Variants in RORA observed in about 807,000 individuals in gnomAD.
RORA encodes nuclear receptor ROR-alpha.
A neutral mutation model predicts 69.5 loss-of-function variants in RORA; 7 were observed. The ratio of observed to expected loss-of-function variants is 0.10; its 90% CI spans 0.06 to 0.19. RORA has a LOEUF of 0.19. RORA is among the 10% of genes least tolerant of loss of function. RORA has a pLI of 1.00. For synonymous variants in RORA, 261 were observed against 240.8 expected, an observed-to-expected ratio of 1.08 and a Z score of -0.78; for missense variants, 457 against 663.0, an observed-to-expected ratio of 0.69 and a Z score of 3.41.
chr15:61,064,275 C>G (rs2078226560), intron 1 of RORA, among the ~76,000 whole-genome samples: 1 of 152,194 alleles, frequency 6.6e-6, no homozygotes, highest in Non-Finnish European at 1.5e-5. Flanking sequence ...TCACTTGAGT[C>G]ACAGTTTCCA....
chr15:60,568,521 G>A (rs1479288317), intron 2 of RORA, among the ~76,000 whole-genome samples: 3 of 152,202 alleles, frequency 2.0e-5, no homozygotes, highest in Non-Finnish European at 2.9e-5. Flanking sequence ...TGATTCTAAG[G>A]AAGGAAGAAG....
At chr15:61,005,980 T>C (rs990692706) in intron 1 of RORA, among the ~76,000 whole-genome samples, 1 of 148,350 alleles carries the variant, frequency 6.7e-6, no homozygotes, top group Non-Finnish European at 1.5e-5. Context: ...TTTTGTTTTG[T>C]TTTTTTTGAG....
At chr15:61,053,499 G>A (rs2078043547) in intron 1 of RORA, among the ~76,000 whole-genome samples, 1 of 152,004 alleles carries the variant, frequency 6.6e-6, no homozygotes, top group Admixed American at 6.6e-5. Context: ...TGATTTCCAT[G>A]GCTGCCATGA....
chr15:60,511,948 T>G lies in RORA; in HGVS notation c.425-327A>C. 3.7e-6 allele frequency: 1 copy of G among 271,018 alleles called. No homozygotes were observed. The allele number at this position is 271,018 out of a possible 1,614,324, so 16.8% of individuals were successfully genotyped here. A position where few individuals can be genotyped will look rare whatever the true frequency, so the allele number is the denominator to read the frequency against. ...CGCCCCACTGATAACTTAATGGGCT[T>G]GTTCACTCTCCCCCCGTGCAGCTGG... On this transcript the variant is annotated intron_variant, in intron 4 of 10. Transcript: ENST00000335670. This position sits in a 1 kb window ranked among gnomAD's most constrained non-coding sequence, Gnocchi z 6.4.
At chr15:61,086,185 C>A (rs1409326971) in intron 1 of RORA, among the ~76,000 whole-genome samples, 1 of 152,246 alleles carries the variant, frequency 6.6e-6, no homozygotes, top group African/African-American at 2.4e-5. Context: ...ATTTGGCAAT[C>A]TGACTATCAT....
chr15:61,025,631 T>C (rs1415206331), intron 1 of RORA, among the ~76,000 whole-genome samples: 2 of 152,182 alleles, frequency 1.3e-5, no homozygotes, highest in Non-Finnish European at 2.9e-5. Context: ...CCTGGGCTGA[T>C]GATTTTAATA....
chr15:60,798,221 G>GAC lies in RORA; in HGVS notation c.167-119537_167-119536dup, dbSNP rs34480684. Among the ~76,000 whole-genome samples the GAC allele has an allele frequency of 2.2e-4, 32 of 145,810 alleles. 1 individual carries two copies. Among genetic ancestry groups the GAC allele is most frequent in the African/African-American group, 5.4e-4 (21 of 39,064 alleles). On this transcript the variant is annotated intron_variant, in intron 1 of 10. Coordinates refer to ENST00000335670, the MANE Select transcript of RORA (RefSeq NM_134261.3). ...CCCCTTCCCCTTCATTTCCCCAACA[G>GAC]ACACACACACACACACACACACACA...
chr15:61,088,483 G>A (rs181837894), intron 1 of RORA, among the ~76,000 whole-genome samples: 10 of 152,208 alleles, frequency 6.6e-5, no homozygotes, highest in African/African-American at 1.9e-4. Flanking sequence ...GGGATGGGGC[G>A]ACAGGAGACA....
At chr15:60,854,614 A>G (rs1157762161) in intron 1 of RORA, among the ~76,000 whole-genome samples, 2 of 152,226 alleles carry the variant, frequency 1.3e-5, no homozygotes, top group Non-Finnish European at 2.9e-5. Flanking sequence ...TCAGAAACAA[A>G]ATTAGCAACT....
chr15:61,119,492 A>G (rs78176140), intron 1 of RORA, among the ~76,000 whole-genome samples: 2 of 151,438 alleles, frequency 1.3e-5, no homozygotes, highest in African/African-American at 4.9e-5. Flanking sequence ...TTTTCCCCCC[A>G]GAGACAGGGT....
rs2140392221 is a variant in RORA at position 61,009,549 on chromosome 15, A to G, written c.166+219504T>C. On this transcript the variant is annotated intron_variant, in intron 1 of 10. Coordinates refer to ENST00000335670, the MANE Select transcript of RORA (RefSeq NM_134261.3). ...ATTTATACCTATAAGGTCAAGACTAATCTTTAATTTTAATTCAGATAGATC... is the reference window on the plus strand; with the variant it reads ...ATTTATACCTATAAGGTCAAGACTAGTCTTTAATTTTAATTCAGATAGATC... Among the ~76,000 whole-genome samples the G allele has an allele frequency of 2.0e-5, 3 of 152,348 alleles. No individual in the cohort carries two copies. The South Asian group carries it at 6.2e-4, about 32-fold the overall frequency.
chr15:60,855,227 C>T (rs11635713), intron 1 of RORA, among the ~76,000 whole-genome samples: 132,844 of 152,216 alleles, frequency 0.87, 58,669 homozygotes, highest in East Asian at 0.99. Context: ...AGGAATGAGA[C>T]GTCTCCTGGC....
At chr15:61,149,270 G>A (rs1259237858) in intron 1 of RORA, among the ~76,000 whole-genome samples, 1 of 152,132 alleles carries the variant, frequency 6.6e-6, no homozygotes, top group Non-Finnish European at 1.5e-5. Context: ...TCCCATCAGA[G>A]AGTCTCTTTC....
At chr15:61,017,770 A>G (rs577557125) in intron 1 of RORA, among the ~76,000 whole-genome samples, 1 of 152,226 alleles carries the variant, frequency 6.6e-6, no homozygotes, top group African/African-American at 2.4e-5. Flanking sequence ...ATGACGTGCC[A>G]CAAAGCATAT....
At chr15:60,845,335 T>C (rs1216117085) in intron 1 of RORA, among the ~76,000 whole-genome samples, 1 of 152,228 alleles carries the variant, frequency 6.6e-6, no homozygotes, top group East Asian at 1.9e-4. Context: ...TTCTGAATTC[T>C]CTGAGCCACA....
At chr15:60,682,445 C>G (rs185515306) in intron 1 of RORA, 1 of 152,184 alleles carries the variant, frequency 6.6e-6, no homozygotes, top group African/African-American at 2.4e-5. Context: ...TAAGTGTACT[C>G]TATTCTAGAT....
intron 1 of RORA, among the ~76,000 whole-genome samples, chr15:60,895,761 G>A (rs1469887094): frequency 6.6e-6 from 1 of 152,212 alleles, no homozygotes; most frequent in Non-Finnish European, 1.5e-5. Flanking sequence ...TACAGCCTCA[G>A]CAATTTCCCT....
At chr15:60,767,373 G>A (rs937433250) in intron 1 of RORA, among the ~76,000 whole-genome samples, 1 of 152,184 alleles carries the variant, frequency 6.6e-6, no homozygotes, top group Admixed American at 6.5e-5. Flanking sequence ...CTCTAAATAT[G>A]TCATCTCATT....
intron 1 of RORA, among the ~76,000 whole-genome samples, chr15:61,060,457 T>G (rs144397167): frequency 9.9e-4 from 151 of 152,246 alleles, no homozygotes; most frequent in Non-Finnish European, 1.6e-3. Flanking sequence ...ATGGGTGCCT[T>G]TCAGGTACAC....
Sources: gnomAD v4.1 joint callset for allele counts (sites outside exome capture counted in the v4.1 genomes callset) on GRCh38, gnomAD v4.1.1 for gene constraint, Gnocchi (gnomAD v3.1) non-coding constraint, MANE v1.5 for transcripts, NCBI Gene and HGNC (gene_info 2026-07-23, HGNC 2026-07-21) for gene names.